The following C6orf163 variants were observed in gnomAD, a reference collection of about 807,000 sequenced individuals.
The protein encoded by C6orf163 is uncharacterized protein C6orf163.
Under a neutral mutation model 28.4 loss-of-function variants are expected in C6orf163, and 22 were observed. The ratio of observed to expected loss-of-function variants is 0.78; its 90% CI spans 0.55 to 1.11. The LOEUF is 1.11. Ranked by LOEUF, C6orf163 falls within the 50% of genes least tolerant of loss-of-function variation. The pLI, the probability that C6orf163 is intolerant of heterozygous loss-of-function variation, is 0.00. For synonymous variants in C6orf163, 110 were observed against 123.6 expected (o/e 0.89, Z 0.73); for missense variants, 342 against 389.1 (o/e 0.88, Z 1.02).
In C6orf163 at chr6:87,356,313, A is replaced by G. The variant is rs755157273; in HGVS notation, c.364A>G (p.Lys122Glu). 7 of 1,551,732 alleles carry G rather than the reference A, an allele frequency of 4.5e-6. No individual in the cohort carries two copies. The South Asian group carries it at 7.1e-5, about 16-fold the overall frequency. The change falls in exon 4 of 5, where the codon AAA (lysine) becomes GAA (glutamate). Residue 122 changes from lysine (K) to glutamate (E), a missense_variant. Coordinates refer to ENST00000388923, the MANE Select transcript of C6orf163 (RefSeq NM_001010868.3). ...HQKDLQEVTA[K>E]TKTEMYQNMD... ...GCCATTGCTTCAGGAAGTGACAGCT[A>G]AAACTAAGACAGAGATGTATCAAAA...
chr6:87,356,164 A>G (rs1777498503), intron 3 of C6orf163, 137 bp from the exon 4 acceptor site: 4 of 729,742 alleles, frequency 5.5e-6, no homozygotes, highest in South Asian at 1.9e-5. Context: ...TATCATACAC[A>G]CTCTTCTTTT....
At chr6:87,359,776 C>T (rs1777556063) in intron 4 of C6orf163, among the ~76,000 whole-genome samples, 1 of 152,142 alleles carries the variant, frequency 6.6e-6, no homozygotes, top group Admixed American at 6.5e-5. Context: ...TGGACACACA[C>T]TACAACTATT....
chr6:87,356,026 C>A, intron 3 of C6orf163: 1 of 355,574 alleles, frequency 2.8e-6, no homozygotes, highest in Non-Finnish European at 5.1e-6. Flanking sequence ...AGACCTTTAA[C>A]CCTACCCCTC....
intron 3 of C6orf163, among the ~76,000 whole-genome samples, chr6:87,354,995 T>C (rs1424250696): frequency 6.6e-6 from 1 of 152,226 alleles, no homozygotes; most frequent in Non-Finnish European, 1.5e-5. Flanking sequence ...GGAGAACTCT[T>C]ACTGGTTTTA....
chr6:87,350,015 G>A (rs577452782), intron 2 of C6orf163, among the ~76,000 whole-genome samples: 1 of 152,326 alleles, frequency 6.6e-6, no homozygotes, highest in East Asian at 1.9e-4. Context: ...CTAGCTTTGT[G>A]CGTCTTTTCA....
chr6:87,364,478 G>A (rs529972027), intron 4 of C6orf163, among the ~76,000 whole-genome samples: 6 of 151,986 alleles, frequency 3.9e-5, no homozygotes, highest in East Asian at 1.9e-4. Flanking sequence ...AAGAGCTCCC[G>A]AGACCAAAAA....
At chr6:87,352,140 T>G (rs1390835950) in intron 3 of C6orf163, among the ~76,000 whole-genome samples, 1 of 152,198 alleles carries the variant, frequency 6.6e-6, no homozygotes. Flanking sequence ...AATTTACATT[T>G]ATACCACCAT....
At chr6:87,351,094 T>C (rs1777405092) in intron 3 of C6orf163, among the ~76,000 whole-genome samples, 1 of 152,254 alleles carries the variant, frequency 6.6e-6, no homozygotes. Flanking sequence ...TACTAACCTG[T>C]AGCCTGTTCA....
At chr6:87,364,924 A>G (rs1188809141) in intron 4 of C6orf163, 37 bp from the exon 5 acceptor site, 3 of 1,447,178 alleles carry the variant, frequency 2.1e-6, no homozygotes, top group African/African-American at 1.4e-5. Context: ...TTAGTGGCCA[A>G]TCCATCTAAA....
chr6:87,350,588 A>G, intron 3 of C6orf163, 87 bp downstream of exon 3: 1 of 754,994 alleles, frequency 1.3e-6, no homozygotes, highest in South Asian at 1.8e-5. Context: ...AAAAAATAAT[A>G]AGGAAATCTA....
chr6:87,350,365 A>T, intron 2 of C6orf163, 29 bp from the exon 3 acceptor site: 1 of 1,343,878 alleles, frequency 7.4e-7, no homozygotes, highest in Non-Finnish European at 1.0e-6. Context: ...CTGATACATT[A>T]ATAGATAAAT....
Position 87,356,370 on chromosome 6 carries a change from G to T in C6orf163, c.421G>T (p.Ala141Ser). 6.4e-7 allele frequency: 1 copy of T among 1,551,712 alleles called. No individual in the cohort carries two copies. Among genetic ancestry groups the T allele is most frequent in the Non-Finnish European group, 8.7e-7 (1 of 1,147,002 alleles). The change falls in exon 4 of 5, where the codon GCT (alanine) becomes TCT (serine). Residue 141 changes from alanine to serine, a missense_variant. Coordinates refer to ENST00000388923, the MANE Select transcript of C6orf163 (RefSeq NM_001010868.3). ...TGACGAAATGAAGAGAGAGCACTTG[G>T]CTGCAGAACAGCGCATGGTCCACAG... is the stretch of plus-strand genomic sequence containing the variant. ...MDDEMKREHL[A>S]AEQRMVHRIQ...
chr6:87,360,287 A>G (rs562051363), intron 4 of C6orf163, among the ~76,000 whole-genome samples: 1 of 152,156 alleles, frequency 6.6e-6, no homozygotes, highest in South Asian at 2.1e-4. Flanking sequence ...TAAAAAAAAT[A>G]CAGGTAGACT....
intron 4 of C6orf163, chr6:87,357,391 G>A (rs1296597377): frequency 3.3e-5 from 5 of 152,170 alleles, no homozygotes; most frequent in African/African-American, 1.2e-4. Flanking sequence ...TGGCCTCCTA[G>A]TCTGTGACTG....
At chr6:87,348,302 A>G in intron 1 of C6orf163, 1 of 985,484 alleles carries the variant, frequency 1.0e-6, no homozygotes, top group South Asian at 4.7e-5. Context: ...TAGATCATTG[A>G]CAGAAAAATA....
chr6:87,349,438 T>C (rs1055405775), intron 2 of C6orf163, among the ~76,000 whole-genome samples: 2 of 152,144 alleles, frequency 1.3e-5, no homozygotes, highest in African/African-American at 4.8e-5. Context: ...CTCGTCGATA[T>C]GACTGCTGAG....
intron 4 of C6orf163, chr6:87,358,956 C>A (rs1018219774): frequency 6.6e-5 from 10 of 152,204 alleles, no homozygotes; most frequent in Non-Finnish European, 1.5e-4. Flanking sequence ...CATTATGCTA[C>A]CTGCTTTACA....
chr6:87,352,835 C>G (rs1173035233), intron 3 of C6orf163, among the ~76,000 whole-genome samples: 2 of 152,024 alleles, frequency 1.3e-5, no homozygotes, highest in Non-Finnish European at 2.9e-5. Context: ...CTCAGATATT[C>G]CTAGTTATGA....
chr6:87,347,688 T>C (rs911567439), intron 1 of C6orf163: 16 of 985,178 alleles, frequency 1.6e-5, no homozygotes, highest in Non-Finnish European at 1.6e-5. Context: ...TCTTGACTCT[T>C]TTAACAGAGA....
Sources: allele counts gnomAD v4.1 joint callset (sites outside exome capture counted in the v4.1 genomes callset), GRCh38; gene constraint gnomAD v4.1.1; transcripts MANE v1.5; gene names NCBI Gene and HGNC (gene_info 2026-07-23, HGNC 2026-07-21).